Variants in PDCD1 observed in about 807,000 individuals in gnomAD.
PDCD1 encodes the protein programmed cell death protein 1.
PDCD1 carries 10 observed loss-of-function variants against 23.6 expected under a neutral mutation model. That is an observed-to-expected ratio of 0.42 (90% CI 0.26 to 0.72). The LOEUF is 0.72. PDCD1 is among the 30% of genes least tolerant of loss of function. The probability of loss-of-function intolerance (pLI) is 0.24; values close to 1 mark genes in which losing one functional copy is unlikely to be tolerated. For missense variants in PDCD1, 313 were observed against 397.8 expected, an observed-to-expected ratio of 0.79 and a Z score of 1.81; for synonymous variants, 168 against 169.3, an observed-to-expected ratio of 0.99 and a Z score of 0.06.
intron 1 of PDCD1, among the ~76,000 whole-genome samples, chr2:241,853,608 C>T (rs1236172810): frequency 6.6e-6 from 1 of 152,246 alleles, no homozygotes; most frequent in Non-Finnish European, 1.5e-5. Context: ...GGGCCATTGA[C>T]TCGGATGTGG....
At chr2:241,858,309 G>A (rs1701070007) in intron 1 of PDCD1, among the ~76,000 whole-genome samples, 1 of 152,250 alleles carries the variant, frequency 6.6e-6, no homozygotes. Context: ...AAACTCGAGT[G>A]AGGACCAAGG....
chr2:241,856,151 C>T lies in PDCD1; in HGVS notation c.76+2612G>A, dbSNP rs1701019700. 3.9e-5 allele frequency among the ~76,000 whole-genome samples: 6 copies of T among 152,102 alleles called. No homozygotes were observed. The South Asian group carries it at 1.2e-3, about 32-fold the overall frequency. ...GCCAGGAGAAGCTGAGCAGAGCCCT[C>T]TCGGAGCACAGGGAGCCGACCCTGT... On this transcript the variant is annotated intron_variant, in intron 1 of 4. Coordinates refer to ENST00000334409, the MANE Select transcript of PDCD1 (RefSeq NM_005018.3).
At position 241,851,979 on chromosome 2, in the gene PDCD1, T is replaced by C. The variant is rs745368200; in HGVS notation, c.597A>G (p.Thr199=). ...GCTGGCCGGTGCGCCTGGCTCCTAT[T>C]GTCCCTGCAGAGAAACACACTTGGG... ...AVICSRAARG[T]IGARRTGQPL... Residue 199 remains threonine (T), a synonymous_variant, in exon 4 of 5, where the codon ACA becomes ACG. Coordinates refer to ENST00000334409, the MANE Select transcript of PDCD1 (RefSeq NM_005018.3). 12 of 1,613,402 alleles carry C rather than the reference T, an allele frequency of 7.4e-6. No individual in the cohort carries two copies. Among genetic ancestry groups the C allele is most frequent in the Admixed American group, 3.3e-5 (2 of 59,982 alleles).
rs2124861321 is a variant in PDCD1, at chr2:241,852,911, T to C, written c.146A>G (p.Asn49Ser). Residue 49 changes from asparagine (N) to serine (S), a missense_variant, in exon 2 of 5, where the codon AAC becomes AGC. Asn to Ser is a conservative substitution (Grantham distance 46). Around this residue, in one of 3 missense-constraint regions of PDCD1, gnomAD observed 135 missense variants for 166.9 expected, o/e 0.81. Coordinates refer to ENST00000334409, the MANE Select transcript of PDCD1 (RefSeq NM_005018.3). ...GGAGAAGCTGCAGGTGAAGGTGGCG[T>C]TGTCCCCTTCGGTCACCACGAGCAG... Reference protein sequence around the residue: ...PALLVVTEGDNATFTCSFSNT... With the variant: ...PALLVVTEGDSATFTCSFSNT... 1.3e-6 allele frequency: 2 copies of C among 1,596,582 alleles called. No individual in the cohort carries two copies. The highest frequency in any genetic ancestry group is 1.7e-6 in the Non-Finnish European group (2 of 1,178,234).
At chr2:241,857,064 G>A (rs908798484) in intron 1 of PDCD1, among the ~76,000 whole-genome samples, 3 of 152,344 alleles carry the variant, frequency 2.0e-5, no homozygotes, top group East Asian at 3.9e-4. Flanking sequence ...CTCGGACGGG[G>A]CCAATAAGCA....
chr2:241,858,095 CA>C (rs1701065790), intron 1 of PDCD1, among the ~76,000 whole-genome samples: 1 of 152,216 alleles, frequency 6.6e-6, no homozygotes, highest in South Asian at 2.1e-4. Flanking sequence ...ATGGTCTGAA[CA>C]GGGCTCGGGG....
Position 241,850,998 on chromosome 2 carries a change from A to G in PDCD1, c.*60T>C, listed in dbSNP as rs1386526266. On this transcript the variant is annotated 3_prime_UTR_variant, in exon 5 of 5. Transcript: ENST00000334409. ...CACCCTGCCTGCTTCTCCTGAGGAA[A>G]TGCGCTGACCCGGGCTCATGGTGGA... The G allele has an allele frequency of 6.4e-6, 10 of 1,557,084 alleles. No individual in the cohort carries two copies. Among genetic ancestry groups the G allele is most frequent in the Non-Finnish European group, 7.8e-6 (9 of 1,150,332 alleles).
At chr2:241,858,693 C>T (rs1701076077) in intron 1 of PDCD1, 70 bp downstream of exon 1, 8 of 1,367,596 alleles carry the variant, frequency 5.8e-6, no homozygotes, top group Non-Finnish European at 8.2e-6. Flanking sequence ...CCCCGACCTG[C>T]CAGGGACTGA....
Position 241,852,896 on chromosome 2 carries a change from C to T in PDCD1, c.161G>A (p.Cys54Tyr). 1.2e-6 allele frequency: 2 copies of T among 1,600,130 alleles called. No individual in the cohort carries two copies. Among genetic ancestry groups the T allele is most frequent in the South Asian group, 1.1e-5 (1 of 90,822 alleles). The change falls in exon 2 of 5, where the codon TGC becomes TAC. Residue 54 changes from cysteine to tyrosine, a missense_variant. By Grantham distance (194) the Cys-to-Tyr change is radical (BLOSUM62 -2). Coordinates refer to ENST00000334409, the MANE Select transcript of PDCD1 (RefSeq NM_005018.3). ...GCTCTCCGATGTGTTGGAGAAGCTG[C>T]AGGTGAAGGTGGCGTTGTCCCCTTC... Reference protein sequence around the residue: ...VTEGDNATFTCSFSNTSESFV... With the variant: ...VTEGDNATFTYSFSNTSESFV...
intron 1 of PDCD1, among the ~76,000 whole-genome samples, chr2:241,853,520 T>C (rs1378379193): frequency 6.6e-6 from 1 of 152,230 alleles, no homozygotes; most frequent in Non-Finnish European, 1.5e-5. Context: ...CCCTGGGCAG[T>C]GGGCAGTGGG....
rs769034572 is a variant in PDCD1, at chr2:241,858,822, G to A, written c.17C>T (p.Ala6Val). ...CACCGCCCAGACGACTGGCCAGGGC[G>A]CCTGTGGGATCTGCATGCCTGGAGC... MQIPQAPWPVVWAVLQ... is the reference protein window; with the variant it reads MQIPQVPWPVVWAVLQ... The change falls in exon 1 of 5, where the codon GCG (alanine) becomes GTG (valine). Residue 6 changes from alanine (A) to valine (V), a missense_variant. Transcript: ENST00000334409. 10 of 1,581,226 alleles carry A rather than the reference G, an allele frequency of 6.3e-6. No homozygotes were observed. The highest frequency in any genetic ancestry group is 6.9e-6 in the Non-Finnish European group (8 of 1,163,878).
chr2:241,852,931 G>A lies in PDCD1; in HGVS notation c.126C>T (p.Leu42=), dbSNP rs777033982. Residue 42 remains leucine (L), a synonymous_variant, in exon 2 of 5, where the codon CTC becomes CTT. Coordinates refer to ENST00000334409, the MANE Select transcript of PDCD1 (RefSeq NM_005018.3). The part of the protein sequence containing the change: ...WNPPTFSPAL[L]VVTEGDNATF... ...TGGCGTTGTCCCCTTCGGTCACCACGAGCAGGGCTGGGGAGAAGGTGGGGG... is the reference window on the plus strand; with the variant it reads ...TGGCGTTGTCCCCTTCGGTCACCACAAGCAGGGCTGGGGAGAAGGTGGGGG... The A allele has an allele frequency of 8.8e-6, 14 of 1,585,312 alleles. No individual in the cohort carries two copies. In the East Asian group the frequency reaches 1.1e-4, roughly 13 times the overall value.
intron 1 of PDCD1, among the ~76,000 whole-genome samples, chr2:241,854,105 G>A (rs1173235440): frequency 1.3e-5 from 2 of 152,222 alleles, no homozygotes; most frequent in East Asian, 3.9e-4. Flanking sequence ...GACACCAGAG[G>A]TGGGTGGGTC....
Position 241,851,940 on chromosome 2 carries a change from G to C in PDCD1, c.627+9C>G, listed in dbSNP as rs368975047. On this transcript the variant is annotated intron_variant, in intron 4 of 4. Coordinates refer to ENST00000334409, the MANE Select transcript of PDCD1 (RefSeq NM_005018.3). ...ACAGTGGATCATGCAGGAAAAGAGT[G>C]AGACTCACCAGGGGCTGGCCGGTGC... The C allele has an allele frequency of 6.2e-7, 1 of 1,613,406 alleles. No homozygotes were observed. Among genetic ancestry groups the C allele is most frequent in the Non-Finnish European group, 8.5e-7 (1 of 1,179,638 alleles).
intron 1 of PDCD1, among the ~76,000 whole-genome samples, chr2:241,855,979 G>A (rs891987795): frequency 6.6e-6 from 1 of 152,204 alleles, no homozygotes; most frequent in Non-Finnish European, 1.5e-5. Context: ...CGGCAGCTGG[G>A]ACTAGGTAAG....
chr2:241,852,768 C>G lies in PDCD1; in HGVS notation c.289G>C (p.Val97Leu), dbSNP rs533395656. The G allele has an allele frequency of 1.2e-6, 2 of 1,614,022 alleles. No homozygotes were observed. The highest frequency in any genetic ancestry group is 3.3e-5 in the Admixed American group (2 of 60,022). The change falls in exon 2 of 5, where the codon GTC becomes CTC. Residue 97 changes from valine to leucine, a missense_variant. Val to Leu is a conservative substitution (Grantham distance 32). Transcript: ENST00000334409. ...SQPGQDCRFR[V>L]TQLPNGRDFH... ...TCACGCCCGTTGGGCAGTTGTGTGA[C>G]ACGGAAGCGGCAGTCCTGGCCGGGC...
At chr2:241,857,156 C>T (rs1384770909) in intron 1 of PDCD1, among the ~76,000 whole-genome samples, 1 of 152,140 alleles carries the variant, frequency 6.6e-6, no homozygotes, top group African/African-American at 2.4e-5. Flanking sequence ...GACCGAATGG[C>T]GAACGCAGTG....
chr2:241,858,103 G>C (rs765025043), intron 1 of PDCD1, among the ~76,000 whole-genome samples: 8 of 152,188 alleles, frequency 5.3e-5, no homozygotes, highest in Non-Finnish European at 1.0e-4. Flanking sequence ...AACAGGGCTC[G>C]GGGAGAGCCC....
intron 1 of PDCD1, among the ~76,000 whole-genome samples, chr2:241,854,177 G>A (rs1700965458): frequency 6.6e-6 from 1 of 152,234 alleles, no homozygotes; most frequent in South Asian, 2.1e-4. Flanking sequence ...CAGGGGACGA[G>A]TGAGGGGTTT....
Sources: allele counts gnomAD v4.1 joint callset (sites outside exome capture counted in the v4.1 genomes callset), GRCh38; gene constraint gnomAD v4.1.1; regional missense constraint gnomAD v4.1.1; transcripts MANE v1.5; gene names NCBI Gene and HGNC (gene_info 2026-07-23, HGNC 2026-07-21).